Variants in TBC1D19 observed in about 807,000 individuals in gnomAD.
The protein encoded by TBC1D19 is TBC1 domain family member 19, also known as TBC1 domain family, member 19.
A neutral mutation model predicts 89.0 loss-of-function variants in TBC1D19; 60 were observed. The observed-to-expected ratio is 0.67, with a 90% CI of 0.55 to 0.84. The LOEUF is 0.84. Ranked by LOEUF, TBC1D19 falls within the 40% of genes least tolerant of loss-of-function variation. The pLI is 0.00. For missense variants in TBC1D19, 500 were observed against 610.8 expected, an observed-to-expected ratio of 0.82 and a Z score of 1.91; for synonymous variants, 189 against 199.7, an observed-to-expected ratio of 0.95 and a Z score of 0.45.
intron 18 of TBC1D19, among the ~76,000 whole-genome samples, chr4:26,743,596 A>G (rs1208236191): frequency 3.9e-5 from 6 of 152,070 alleles, no homozygotes; most frequent in African/African-American, 1.4e-4. Context: ...AGAGATAGGT[A>G]GATATATAAT....
intron 8 of TBC1D19, among the ~76,000 whole-genome samples, chr4:26,662,207 A>T (rs1042822564): frequency 6.6e-6 from 1 of 152,242 alleles, no homozygotes; most frequent in Non-Finnish European, 1.5e-5. Flanking sequence ...ATTTATTCCC[A>T]GAAGGAGACT....
At chr4:26,704,164 G>A (rs1455878972) in intron 13 of TBC1D19, among the ~76,000 whole-genome samples, 3 of 151,928 alleles carry the variant, frequency 2.0e-5, no homozygotes, top group Non-Finnish European at 4.4e-5. Context: ...AATTCTTAAA[G>A]TACCCATTTT....
intron 12 of TBC1D19, among the ~76,000 whole-genome samples, chr4:26,685,379 T>C (rs139526513): frequency 6.6e-6 from 1 of 152,248 alleles, no homozygotes; most frequent in East Asian, 1.9e-4. Flanking sequence ...TTTCCTGCTG[T>C]TGGTTATAAT....
At chr4:26,826,995 C>G in the TBC1D19 span, among the ~76,000 whole-genome samples, 1 of 152,128 alleles carries the variant, frequency 6.6e-6, no homozygotes, top group African/African-American at 2.4e-5. Flanking sequence ...TTTTTTTCCT[C>G]AGGAGGTTTC....
At chr4:26,685,095 A>T (rs915623186) in intron 12 of TBC1D19, among the ~76,000 whole-genome samples, 3 of 152,242 alleles carry the variant, frequency 2.0e-5, no homozygotes, top group African/African-American at 7.2e-5. Flanking sequence ...GAAGAATCAG[A>T]CAGCTCAGGC....
chr4:26,607,657 TA>T (rs1382347684), intron 1 of TBC1D19, among the ~76,000 whole-genome samples: 1 of 152,070 alleles, frequency 6.6e-6, no homozygotes, highest in African/African-American at 2.4e-5. Context: ...AATATTTAAT[TA>T]AAAAATTACA....
At chr4:26,613,351 G>A in intron 2 of TBC1D19, 110 bp downstream of exon 2, 1 of 668,688 alleles carries the variant, frequency 1.5e-6, no homozygotes, top group Non-Finnish European at 2.4e-6. Context: ...TTGTCGTTCT[G>A]TTTTGTTTTG....
intron 19 of TBC1D19, among the ~76,000 whole-genome samples, chr4:26,751,819 G>A (rs1718983752): frequency 6.6e-6 from 1 of 152,160 alleles, no homozygotes. Flanking sequence ...TGTTCCTTAG[G>A]CACAATGACC....
chr4:26,741,568 A>G (rs1317814245), intron 17 of TBC1D19, among the ~76,000 whole-genome samples: 1 of 150,784 alleles, frequency 6.6e-6, no homozygotes, highest in Non-Finnish European at 1.5e-5. Flanking sequence ...GTCTATCTCT[A>G]TGCTGGTGGC....
intron 7 of TBC1D19, among the ~76,000 whole-genome samples, chr4:26,650,714 T>C (rs1157965295): frequency 1.3e-5 from 2 of 152,172 alleles, no homozygotes; most frequent in African/African-American, 4.8e-5. Flanking sequence ...GCTCTTTTGT[T>C]TAATTAGATC....
chr4:26,723,693 A>G (rs1189516464), intron 15 of TBC1D19, among the ~76,000 whole-genome samples: 1 of 152,184 alleles, frequency 6.6e-6, no homozygotes, highest in African/African-American at 2.4e-5. Flanking sequence ...AGAATTTTAT[A>G]AGCTTTTTAT....
At chr4:26,655,585 C>T (rs567896171) in intron 7 of TBC1D19, among the ~76,000 whole-genome samples, 12 of 152,366 alleles carry the variant, frequency 7.9e-5, no homozygotes, top group South Asian at 2.1e-4. Flanking sequence ...GCGCCCCTCT[C>T]CCAGCCTTGC....
chr4:26,705,339 T>C (rs920794584), intron 13 of TBC1D19, among the ~76,000 whole-genome samples: 1 of 152,208 alleles, frequency 6.6e-6, no homozygotes, highest in Non-Finnish European at 1.5e-5. Context: ...TTTGGTATTG[T>C]ATCCAAGAGA....
At chr4:26,769,772 T>A in the TBC1D19 span, among the ~76,000 whole-genome samples, 4 of 152,208 alleles carry the variant, frequency 2.6e-5, no homozygotes, top group African/African-American at 9.6e-5. Flanking sequence ...GGTCTCGAAC[T>A]TCTGAGCTCA....
the TBC1D19 span, among the ~76,000 whole-genome samples, chr4:26,761,371 A>T: frequency 6.6e-6 from 1 of 152,136 alleles, no homozygotes; most frequent in Non-Finnish European, 1.5e-5. Context: ...ATCTGCTTTA[A>T]TTTTACTCAG....
chr4:26,701,744 TAAAAA>T (rs148691340), intron 13 of TBC1D19, among the ~76,000 whole-genome samples: 7 of 151,100 alleles, frequency 4.6e-5, no homozygotes, highest in African/African-American at 1.7e-4. Flanking sequence ...CACAAAGACA[TAAAAA>T]AAACCCACAT....
At chr4:26,699,607 C>A (rs529988006) in intron 13 of TBC1D19, among the ~76,000 whole-genome samples, 42 of 152,200 alleles carry the variant, frequency 2.8e-4, no homozygotes, top group African/African-American at 9.9e-4. Flanking sequence ...AGACTTGCAA[C>A]CAACCCAAAT....
intron 1 of TBC1D19, among the ~76,000 whole-genome samples, chr4:26,599,414 T>C (rs1257650511): frequency 1.3e-5 from 2 of 152,198 alleles, no homozygotes; most frequent in Non-Finnish European, 2.9e-5. Context: ...TAGAGCAGTG[T>C]TGGCCCAACT....
chr4:26,765,223 A>G, the TBC1D19 span, among the ~76,000 whole-genome samples: 2 of 152,134 alleles, frequency 1.3e-5, no homozygotes, highest in Non-Finnish European at 2.9e-5. Context: ...GTTTGCAAGA[A>G]GGAAGGAGGA....
Sources: gnomAD v4.1 joint callset for allele counts (sites outside exome capture counted in the v4.1 genomes callset) on GRCh38, gnomAD v4.1.1 for gene constraint, MANE v1.5 for transcripts, NCBI Gene and HGNC (gene_info 2026-07-23, HGNC 2026-07-21) for gene names.